Variants in SGMS1 observed in about 807,000 individuals in gnomAD.
SGMS1 encodes phosphatidylcholine:ceramide cholinephosphotransferase 1.
Under a neutral mutation model 46.2 loss-of-function variants are expected in SGMS1, and 13 were observed. That is an observed-to-expected ratio of 0.28 (90% confidence interval 0.18 to 0.45). SGMS1 has a LOEUF of 0.45. SGMS1 is among the 20% of genes least tolerant of loss of function. SGMS1 has a pLI of 1.00. For synonymous variants in SGMS1, 203 were observed against 187.8 expected (o/e 1.08, Z -0.66); for missense variants, 324 against 519.9 (o/e 0.62, Z 3.66).
chr10:50,595,093 C>T (rs1838578126), intron 1 of SGMS1, among the ~76,000 whole-genome samples: 1 of 152,142 alleles, frequency 6.6e-6, no homozygotes, highest in Non-Finnish European at 1.5e-5. Flanking sequence ...GTCAGAAGGC[C>T]CTGCAATGGT....
intron 6 of SGMS1, among the ~76,000 whole-genome samples, chr10:50,381,290 G>GA (rs202167060): frequency 1.0e-4 from 15 of 148,230 alleles, no homozygotes; most frequent in Admixed American, 6.7e-5. Flanking sequence ...AGAAGAAGAA[G>GA]AAAAAAAAAA....
chr10:50,472,204 AT>A (rs1231361073), intron 3 of SGMS1, among the ~76,000 whole-genome samples: 5 of 152,152 alleles, frequency 3.3e-5, no homozygotes, highest in Non-Finnish European at 4.4e-5. Context: ...TCACATACTT[AT>A]TTTTTATAGT....
chr10:50,475,773 T>A (rs72801781), intron 3 of SGMS1, among the ~76,000 whole-genome samples: 2 of 151,956 alleles, frequency 1.3e-5, no homozygotes, highest in Non-Finnish European at 2.9e-5. Context: ...ACCATTCTCC[T>A]GTCAACCATG....
intron 2 of SGMS1, among the ~76,000 whole-genome samples, chr10:50,563,088 A>G (rs909600553): frequency 2.0e-5 from 3 of 152,262 alleles, no homozygotes; most frequent in Non-Finnish European, 4.4e-5. Flanking sequence ...GCATGAGAGC[A>G]GTAATTTCAT....
chr10:50,470,544 G>A (rs1365017711), intron 3 of SGMS1, among the ~76,000 whole-genome samples: 1 of 151,784 alleles, frequency 6.6e-6, no homozygotes, highest in African/African-American at 2.4e-5. Context: ...CAAGTCTCTT[G>A]CTGCAGTCAC....
intron 7 of SGMS1, among the ~76,000 whole-genome samples, chr10:50,327,699 G>C (rs370680967): frequency 6.6e-6 from 1 of 152,234 alleles, no homozygotes; most frequent in East Asian, 1.9e-4. Context: ...TGTCATCAAA[G>C]GAAGATCTTC....
chr10:50,443,258 C>T (rs1849567664), intron 5 of SGMS1, among the ~76,000 whole-genome samples: 1 of 152,056 alleles, frequency 6.6e-6, no homozygotes, highest in Non-Finnish European at 1.5e-5. Context: ...CAGTGACATG[C>T]CTAAGTTAAC....
intron 9 of SGMS1, among the ~76,000 whole-genome samples, chr10:50,309,133 T>C (rs937068084): frequency 1.3e-5 from 2 of 152,142 alleles, no homozygotes; most frequent in Admixed American, 6.5e-5. Context: ...GGAAAAATAA[T>C]AAAGTTGAGC....
At chr10:50,624,780 G>A (rs1278871160), upstream of SGMS1, 3 of 986,204 alleles carry the variant, frequency 3.0e-6, no homozygotes, top group African/African-American at 5.2e-5. Context: ...GGGAGAGCTG[G>A]CCTTCCCGCC....
At chr10:50,500,034 A>C (rs12251514) in intron 3 of SGMS1, among the ~76,000 whole-genome samples, 5,860 of 152,210 alleles carry the variant, frequency 0.038, 201 homozygotes, top group African/African-American at 0.092. Context: ...CAGGTGTGGT[A>C]GCATGTGCCT....
At chr10:50,441,688 A>G (rs1379081555) in intron 5 of SGMS1, among the ~76,000 whole-genome samples, 1 of 152,240 alleles carries the variant, frequency 6.6e-6, no homozygotes, top group Non-Finnish European at 1.5e-5. Flanking sequence ...ATAACCAGAA[A>G]ACACTGCTTC....
At chr10:50,455,911 T>C (rs547830437) in intron 5 of SGMS1, among the ~76,000 whole-genome samples, 1 of 152,304 alleles carries the variant, frequency 6.6e-6, no homozygotes, top group African/African-American at 2.4e-5. Flanking sequence ...CCAATGCTTG[T>C]AAGGCTATCA....
At chr10:50,415,505 C>T (rs897678727) in intron 6 of SGMS1, among the ~76,000 whole-genome samples, 4 of 152,196 alleles carry the variant, frequency 2.6e-5, no homozygotes, top group Non-Finnish European at 5.9e-5. Flanking sequence ...ATTCAGGTCA[C>T]TTAAAGCAGT....
At chr10:50,342,771 T>C (rs1021524687) in intron 7 of SGMS1, 10 of 152,228 alleles carry the variant, frequency 6.6e-5, no homozygotes, top group African/African-American at 2.4e-4. Context: ...GCAACCCCAG[T>C]AAACAGCCAG....
At chr10:50,436,197 C>G (rs1389314725) in intron 5 of SGMS1, among the ~76,000 whole-genome samples, 1 of 152,102 alleles carries the variant, frequency 6.6e-6, no homozygotes, top group African/African-American at 2.4e-5. Context: ...CTCCGCCTCC[C>G]GGGTTCACAC....
intron 2 of SGMS1, among the ~76,000 whole-genome samples, chr10:50,558,361 CT>C (rs1838206068): frequency 6.6e-6 from 1 of 152,186 alleles, no homozygotes; most frequent in East Asian, 1.9e-4. Context: ...CTCCCATGTA[CT>C]GAATCTAATT....
intron 6 of SGMS1, among the ~76,000 whole-genome samples, chr10:50,430,867 G>A (rs1407988245): frequency 1.3e-5 from 2 of 151,948 alleles, no homozygotes; most frequent in Non-Finnish European, 2.9e-5. Flanking sequence ...CAAAAGCAAC[G>A]AGTCCCAAGT....
chr10:50,474,808 G>A (rs774876953), intron 3 of SGMS1, among the ~76,000 whole-genome samples: 1 of 152,060 alleles, frequency 6.6e-6, no homozygotes, highest in Non-Finnish European at 1.5e-5. Context: ...AGTCATTAGA[G>A]GAAATACTTA....
intron 6 of SGMS1, 104 bp downstream of exon 6, chr10:50,433,372 T>C (rs1849430746): frequency 6.6e-6 from 1 of 152,326 alleles, no homozygotes; most frequent in South Asian, 2.1e-4. Context: ...AGTTTCTCTT[T>C]TGCACTCAAG....
Sources: allele counts gnomAD v4.1 joint callset (sites outside exome capture counted in the v4.1 genomes callset), GRCh38; gene constraint gnomAD v4.1.1; transcripts MANE v1.5; gene names NCBI Gene and HGNC (gene_info 2026-07-23, HGNC 2026-07-21).